The following TAB2 variants were observed in gnomAD, a reference collection of about 807,000 sequenced individuals.
The protein encoded by TAB2 is TGF-beta-activated kinase 1 and MAP3K7-binding protein 2.
Under a neutral mutation model 65.0 loss-of-function variants are expected in TAB2, and 3 were observed. The ratio of observed to expected loss-of-function variants is 0.05; its 90% CI spans 0.02 to 0.12. TAB2 has a LOEUF of 0.12. Among genes scored for constraint, TAB2 ranks in the 10% least tolerant of loss-of-function variants. The pLI is 1.00. For synonymous variants in TAB2, 298 were observed against 285.1 expected, an observed-to-expected ratio of 1.05 and a Z score of -0.46; for missense variants, 623 against 840.3, an observed-to-expected ratio of 0.74 and a Z score of 3.20.
chr6:149,379,035 C>A lies in TAB2; in HGVS notation c.1120C>A (p.Pro374Thr), dbSNP rs768394890. The change falls in exon 3 of 7, where the codon CCA becomes ACA. Residue 374 changes from proline (P) to threonine (T), a missense_variant. This residue lies in a region of TAB2 where 550 missense variants were observed against 665.7 expected (regional missense o/e 0.83). Coordinates refer to ENST00000637181, the MANE Select transcript of TAB2 (RefSeq NM_001292034.3). ...CACTGTTTACATAGCTGCCAGCCCC[C>A]CAAATACGGATGAGCTGATGTCCCG... ...QPTVYIAASP[P>T]NTDELMSRSQ... 15 of 1,614,200 alleles carry A rather than the reference C, an allele frequency of 9.3e-6. No individual in the cohort carries two copies. Among genetic ancestry groups the A allele is most frequent in the Non-Finnish European group, 1.3e-5 (15 of 1,180,044 alleles).
At chr6:149,220,369 T>G in intron 1 of TAB2, among the ~76,000 whole-genome samples, 1 of 152,234 alleles carries the variant, frequency 6.6e-6, no homozygotes. Flanking sequence ...CAATGAACTT[T>G]TCCTGCTCTG....
chr6:149,233,227 C>T (rs1048128694), intron 1 of TAB2, among the ~76,000 whole-genome samples: 1 of 152,306 alleles, frequency 6.6e-6, no homozygotes, highest in African/African-American at 2.4e-5. Flanking sequence ...GCACAAGTCA[C>T]AACTTGGGCA....
chr6:149,304,994 A>C (rs1401939293), intron 1 of TAB2, among the ~76,000 whole-genome samples: 1 of 152,198 alleles, frequency 6.6e-6, no homozygotes. Context: ...TATGATACCA[A>C]ATACAACGTA....
At chr6:149,249,738 G>A (rs975750096) in intron 1 of TAB2, among the ~76,000 whole-genome samples, 11 of 152,186 alleles carry the variant, frequency 7.2e-5, no homozygotes, top group African/African-American at 1.4e-4. Context: ...GTGCAGATGC[G>A]TCTCCTGCCC....
intron 1 of TAB2, among the ~76,000 whole-genome samples, chr6:149,357,456 C>T (rs1780702162): frequency 6.7e-6 from 1 of 148,850 alleles, no homozygotes; most frequent in Admixed American, 6.7e-5. Flanking sequence ...CACACACACA[C>T]ACACACACAC....
chr6:149,252,542 G>A lies in TAB2; in HGVS notation c.-121+33766G>A, dbSNP rs531683526. ...ATTAATGCTTATCCATCCCTATACCGATCCTGTCTTTATTTAAAAACTTTG... is the reference window on the plus strand; with the variant it reads ...ATTAATGCTTATCCATCCCTATACCAATCCTGTCTTTATTTAAAAACTTTG... On this transcript the variant is annotated intron_variant, in intron 1 of 1. Transcript: ENST00000606202. 3.1e-4 allele frequency among the ~76,000 whole-genome samples: 47 copies of A among 152,224 alleles called. No homozygotes were observed. The East Asian group carries it at 3.1e-3, about 10-fold the overall frequency.
intron 1 of TAB2, among the ~76,000 whole-genome samples, chr6:149,251,130 G>A (rs983584377): frequency 6.6e-6 from 1 of 152,142 alleles, no homozygotes; most frequent in African/African-American, 2.4e-5. Context: ...CTTTTGCCGG[G>A]TGCCTCCTGG....
rs557813625 is a variant in TAB2, at chr6:149,379,385, T to G, written c.1470T>G (p.Leu490=). 1 of 1,614,204 alleles carries G rather than the reference T, an allele frequency of 6.2e-7. No homozygotes were observed. Among genetic ancestry groups the G allele is most frequent in the African/African-American group, 1.3e-5 (1 of 75,058 alleles). The part of the protein sequence containing the change: ...VVSPTFELTN[L]LNHPDHYVET... ...CCCCTACCTTTGAACTTACAAATCTTCTTAATCATCCTGATCATTATGTAG... is the reference window on the plus strand; with the variant it reads ...CCCCTACCTTTGAACTTACAAATCTGCTTAATCATCCTGATCATTATGTAG... The change falls in exon 3 of 7, where the codon CTT becomes CTG. Residue 490 remains leucine, a synonymous_variant. Transcript: ENST00000637181.
At chr6:149,369,160 A>G (rs1039757535) in intron 1 of TAB2, among the ~76,000 whole-genome samples, 2 of 152,152 alleles carry the variant, frequency 1.3e-5, no homozygotes, top group Non-Finnish European at 2.9e-5. Context: ...CTTATCTCCT[A>G]TTTATATCCC....
chr6:149,301,875 T>C (rs1778978154), intron 1 of TAB2, among the ~76,000 whole-genome samples: 1 of 152,174 alleles, frequency 6.6e-6, no homozygotes, highest in Non-Finnish European at 1.5e-5. Flanking sequence ...AAAATAGAAG[T>C]AAACTTTGAA....
intron 1 of TAB2, among the ~76,000 whole-genome samples, chr6:149,305,530 T>G (rs1779049176): frequency 1.3e-5 from 2 of 152,100 alleles, no homozygotes; most frequent in Admixed American, 1.3e-4. Context: ...TGTTCTTTGC[T>G]GTTAATAGAC....
rs777445425 is a variant in TAB2, at chr6:149,400,642, T to C, written c.1939+1458T>C. On this transcript the variant is annotated intron_variant, in intron 6 of 6. Transcript: ENST00000637181. ...TTGGAAATGGAAGATGAAGATACAA[T>C]TGATGTGTTTCAACAGCCTACGGGA... The C allele has an allele frequency of 2.7e-5, 43 of 1,614,176 alleles. No homozygotes were observed. In the East Asian group the frequency reaches 6.0e-4, roughly 23 times the overall value.
chr6:149,394,197 G>A (rs1416298367), intron 3 of TAB2, among the ~76,000 whole-genome samples: 1 of 151,846 alleles, frequency 6.6e-6, no homozygotes, highest in African/African-American at 2.4e-5. Context: ...TGTGTCCAGT[G>A]TGTTAAGTCT....
At chr6:149,275,610 T>C (rs4897104) in intron 1 of TAB2, among the ~76,000 whole-genome samples, 75,886 of 152,048 alleles carry the variant, frequency 0.5, 19,929 homozygotes, top group East Asian at 0.69. Context: ...AGAGGGAGTT[T>C]TTTCAACACT....
chr6:149,317,417 A>AGCC (rs5880831), upstream of TAB2: 2,284 of 169,426 alleles, frequency 0.013, 51 homozygotes, highest in African/African-American at 0.041. The surrounding 1 kb of genome is among the most constrained non-coding windows in gnomAD (Gnocchi z 4.7). Flanking sequence ...CCGCAGCCGC[A>AGCC]GCCGCCGCCG....
chr6:149,251,111 A>C (rs929224501), intron 1 of TAB2, among the ~76,000 whole-genome samples: 3 of 152,198 alleles, frequency 2.0e-5, no homozygotes, highest in Non-Finnish European at 4.4e-5. Context: ...TTGCCAAGTT[A>C]ACGCTTTCCT....
intron 1 of TAB2, among the ~76,000 whole-genome samples, chr6:149,225,874 A>G (rs953510855): frequency 3.9e-5 from 6 of 151,940 alleles, no homozygotes; most frequent in East Asian, 1.9e-4. Context: ...GAATTTGAGA[A>G]GCGGAATACT....
At position 149,410,539 on chromosome 6, in the gene TAB2, C is replaced by T. The variant is rs1290423782; in HGVS notation, c.*820C>T. 6.6e-6 allele frequency: 1 copy of T among 152,584 alleles called. No individual in the cohort carries two copies. The highest frequency in any genetic ancestry group is 1.5e-5 in the Non-Finnish European group (1 of 68,018). 9.5% of individuals were successfully genotyped at this position (152,584 alleles called of 1,614,324 possible). A position where few individuals can be genotyped will look rare whatever the true frequency, so the allele number is the denominator to read the frequency against. ...GGAACAATGCCTTAAAATAAAAAAG[C>T]ATTAATGAGATGAAAGTATGCACAG... On this transcript the variant is annotated 3_prime_UTR_variant, in exon 7 of 7. Transcript: ENST00000637181.
intron 1 of TAB2, among the ~76,000 whole-genome samples, chr6:149,310,885 A>T (rs762191590): frequency 3.6e-4 from 55 of 152,122 alleles, no homozygotes; most frequent in African/African-American, 1.3e-3. Context: ...ATTTTCCTTC[A>T]TTTGTCTAAA....
Sources: gnomAD v4.1 joint callset for allele counts (sites outside exome capture counted in the v4.1 genomes callset) on GRCh38, gnomAD v4.1.1 for gene constraint, gnomAD v4.1.1 regional missense constraint, Gnocchi (gnomAD v3.1) non-coding constraint, MANE v1.5 for transcripts, NCBI Gene and HGNC (gene_info 2026-07-23, HGNC 2026-07-21) for gene names.